LRFN5: variants seen among roughly 807,000 people sequenced by gnomAD.
The protein encoded by LRFN5 is leucine rich repeat and fibronectin type III domain containing 5.
In LRFN5, 24 loss-of-function variants were observed where a neutral mutation model predicts 45.6. That is an observed-to-expected ratio of 0.53 (90% CI 0.38 to 0.74). The LOEUF (loss-of-function observed/expected upper bound fraction) is 0.74. Among genes scored for constraint, LRFN5 ranks in the 30% least tolerant of loss-of-function variants. The pLI is 0.00. For missense variants in LRFN5, 776 were observed against 861.5 expected, an observed-to-expected ratio of 0.90 and a Z score of 1.24; for synonymous variants, 340 against 313.8, an observed-to-expected ratio of 1.08 and a Z score of -0.88.
chr14:41,670,304 TAC>T (rs775595662), intron 1 of LRFN5, among the ~76,000 whole-genome samples: 626 of 18,654 alleles, frequency 0.034, 53 homozygotes, highest in East Asian at 0.31. Context: ...TATATATATA[TAC>T]ACACACACAG....
intron 2 of LRFN5, among the ~76,000 whole-genome samples, chr14:41,822,117 C>T (rs533013916): frequency 6.6e-6 from 1 of 151,914 alleles, no homozygotes; most frequent in East Asian, 1.9e-4. Flanking sequence ...ACATACTTAT[C>T]ATTTTGTTGA....
At chr14:41,782,929 T>C (rs34543976) in intron 2 of LRFN5, among the ~76,000 whole-genome samples, 22,436 of 151,156 alleles carry the variant, frequency 0.15, 1,808 homozygotes, top group Non-Finnish European at 0.18. Flanking sequence ...TAGTGAGCTA[T>C]ATCTCTTGGC....
At chr14:41,810,165 A>G (rs550997456) in intron 2 of LRFN5, among the ~76,000 whole-genome samples, 6 of 152,226 alleles carry the variant, frequency 3.9e-5, no homozygotes, top group South Asian at 2.1e-4. Flanking sequence ...CAGACATTCT[A>G]TTGTAGTTTA....
chr14:41,837,907 C>T (rs766176493), intron 2 of LRFN5, among the ~76,000 whole-genome samples: 5 of 152,140 alleles, frequency 3.3e-5, no homozygotes, highest in Non-Finnish European at 5.9e-5. Context: ...CAAATATACT[C>T]ATTGTAAATG....
intron 1 of LRFN5, among the ~76,000 whole-genome samples, chr14:41,722,910 T>C (rs1883786296): frequency 6.6e-6 from 1 of 152,190 alleles, no homozygotes; most frequent in East Asian, 1.9e-4. Context: ...ACAGTTTCCC[T>C]GCTGGCAGGC....
At chr14:41,873,245 C>A (rs1890077530) in intron 2 of LRFN5, among the ~76,000 whole-genome samples, 1 of 152,088 alleles carries the variant, frequency 6.6e-6, no homozygotes, top group African/African-American at 2.4e-5. Flanking sequence ...TTGAAGGAAA[C>A]ACAAACTCAA....
At chr14:41,874,649 T>C (rs1890128204) in intron 2 of LRFN5, among the ~76,000 whole-genome samples, 1 of 152,214 alleles carries the variant, frequency 6.6e-6, no homozygotes, top group Non-Finnish European at 1.5e-5. Flanking sequence ...ACAAAAGCAA[T>C]GCCCTGGGGA....
chr14:41,870,436 G>A (rs1889979157), intron 2 of LRFN5, among the ~76,000 whole-genome samples: 1 of 152,126 alleles, frequency 6.6e-6, no homozygotes. Context: ...ACACGGCTAG[G>A]GAGGCCTCAT....
At chr14:41,693,701 C>T (rs369471037) in intron 1 of LRFN5, among the ~76,000 whole-genome samples, 2 of 151,788 alleles carry the variant, frequency 1.3e-5, no homozygotes, top group African/African-American at 4.8e-5. Context: ...TTTTGAATGC[C>T]ATTGTCATGT....
At chr14:41,894,149 A>T in intron 4 of LRFN5, 2 of 984,798 alleles carry the variant, frequency 2.0e-6, no homozygotes, top group Non-Finnish European at 2.4e-6. Flanking sequence ...TGAATCTTCA[A>T]AGACTTTCTG....
intron 1 of LRFN5, among the ~76,000 whole-genome samples, chr14:41,702,080 C>G (rs892481466): frequency 6.6e-6 from 1 of 152,058 alleles, no homozygotes; most frequent in Admixed American, 6.6e-5. Context: ...TTCTGAAGAT[C>G]ATGTACTGAT....
intron 2 of LRFN5, among the ~76,000 whole-genome samples, chr14:41,882,846 CT>C (rs71105409): frequency 0.12 from 13,353 of 106,902 alleles, 472 homozygotes; most frequent in Admixed American, 0.17. Context: ...TGTATTTCCT[CT>C]TTTTTTTTTT....
chr14:41,652,324 A>T (rs1277382150), intron 1 of LRFN5, among the ~76,000 whole-genome samples: 1 of 152,086 alleles, frequency 6.6e-6, no homozygotes, highest in African/African-American at 2.4e-5. Flanking sequence ...AAAATTTTGG[A>T]TAAAGATGAA....
At chr14:41,805,546 T>TCC (rs1887492959) in intron 2 of LRFN5, among the ~76,000 whole-genome samples, 1 of 144,816 alleles carries the variant, frequency 6.9e-6, no homozygotes, top group Non-Finnish European at 1.6e-5. Flanking sequence ...CCCAATGCTA[T>TCC]CCCTCCACCC....
At chr14:41,778,904 A>G (rs1886386367) in intron 2 of LRFN5, among the ~76,000 whole-genome samples, 1 of 151,720 alleles carries the variant, frequency 6.6e-6, no homozygotes, top group African/African-American at 2.4e-5. Flanking sequence ...AGTTTTTTTA[A>G]TCAGTTCTTT....
intron 1 of LRFN5, among the ~76,000 whole-genome samples, chr14:41,761,760 G>A (rs1885680403): frequency 6.6e-6 from 1 of 152,130 alleles, no homozygotes; most frequent in South Asian, 2.1e-4. Context: ...AAATTGTGAA[G>A]TCATTATTTG....
chr14:41,730,223 C>T (rs1884110830), intron 1 of LRFN5, among the ~76,000 whole-genome samples: 1 of 151,944 alleles, frequency 6.6e-6, no homozygotes, highest in South Asian at 2.1e-4. Flanking sequence ...TTCTAATTTT[C>T]ACCTTGTATT....
chr14:41,674,186 C>T (rs1881442854), intron 1 of LRFN5, among the ~76,000 whole-genome samples: 1 of 138,242 alleles, frequency 7.2e-6, no homozygotes, highest in Non-Finnish European at 1.6e-5. Context: ...GACGGGGCGG[C>T]TGGCCGGGCG....
chr14:41,648,136 A>G (rs1287067409), intron 1 of LRFN5, among the ~76,000 whole-genome samples: 2 of 152,152 alleles, frequency 1.3e-5, no homozygotes. Context: ...AAATCACCAA[A>G]TCTGTTATTG....
Sources: allele counts gnomAD v4.1 joint callset (sites outside exome capture counted in the v4.1 genomes callset), GRCh38; gene constraint gnomAD v4.1.1; transcripts MANE v1.5; gene names NCBI Gene and HGNC (gene_info 2026-07-23, HGNC 2026-07-21).